The following PCLO variants were observed in gnomAD, a reference collection of about 807,000 sequenced individuals.
PCLO encodes the protein protein piccolo.
In PCLO, 82 loss-of-function variants were observed where a neutral mutation model predicts 427.5. That is an observed-to-expected ratio of 0.19 (90% CI 0.16 to 0.23). The LOEUF is 0.23. Ranked by LOEUF, PCLO falls within the 10% of genes least tolerant of loss-of-function variation. The pLI is 1.00. For synonymous variants in PCLO, 2,357 were observed against 2,155.4 expected (o/e 1.09, Z -2.59); for missense variants, 6,239 against 6,115.9 (o/e 1.02, Z -0.67).
At chr7:82,940,120 G>T (rs1241133963) in intron 6 of PCLO, among the ~76,000 whole-genome samples, 1 of 152,188 alleles carries the variant, frequency 6.6e-6, no homozygotes, top group South Asian at 2.1e-4. Flanking sequence ...ATGAATGGCC[G>T]ATTAGATAAT....
At chr7:83,005,180 A>G (rs984442182) in intron 3 of PCLO, among the ~76,000 whole-genome samples, 14 of 151,632 alleles carry the variant, frequency 9.2e-5, no homozygotes, top group Non-Finnish European at 1.9e-4. Context: ...AATAAAATTA[A>G]TATGTCAAAG....
rs559867499 is a variant in PCLO at position 83,090,198 on chromosome 7, A to T, written c.3300+44052T>A. ...ACGCCTGTAGTCCCAGCTACTAGGG[A>T]AGCTGAGGCAGGAGAATCACTTGAA... On this transcript the variant is annotated intron_variant, in intron 3 of 24. Coordinates refer to ENST00000333891, the MANE Select transcript of PCLO (RefSeq NM_033026.6). Among the ~76,000 whole-genome samples, 3 of 152,228 alleles carry T rather than the reference A, an allele frequency of 2.0e-5. No individual in the cohort carries two copies. In the South Asian group the frequency reaches 6.2e-4, roughly 32 times the overall value.
chr7:82,891,865 T>A (rs558719220), intron 9 of PCLO, among the ~76,000 whole-genome samples: 2 of 152,014 alleles, frequency 1.3e-5, no homozygotes, highest in Non-Finnish European at 2.9e-5. Context: ...TCACAAGGGA[T>A]GTGAAGGACC....
chr7:82,756,979 T>TAG lies in PCLO; in HGVS notation c.*1595_*1596insCT, dbSNP rs1790331897. The TAG allele has an allele frequency of 6.6e-6, 1 of 152,146 alleles. No individual in the cohort carries two copies. Among genetic ancestry groups the TAG allele is most frequent in the Non-Finnish European group, 1.5e-5 (1 of 67,986 alleles). The allele number at this position is 152,146 out of a possible 1,614,324, so 9.4% of individuals were successfully genotyped here. On this transcript the variant is annotated 3_prime_UTR_variant, in exon 25 of 25. Transcript: ENST00000333891. ...ATATAAAATTTGAGAATTAAAAAGA[T>TAG]ATGTAATAATTATTCCTCACTTCTG... is the stretch of plus-strand genomic sequence containing the variant.
chr7:83,034,345 C>T (rs1246152949), intron 3 of PCLO, among the ~76,000 whole-genome samples: 1 of 152,140 alleles, frequency 6.6e-6, no homozygotes, highest in African/African-American at 2.4e-5. Flanking sequence ...TGCACAACCA[C>T]ACCGAGCTAC....
chr7:83,047,691 A>G (rs1205573072), intron 3 of PCLO, among the ~76,000 whole-genome samples: 3 of 152,116 alleles, frequency 2.0e-5, no homozygotes, highest in East Asian at 1.9e-4. Flanking sequence ...ATTCATAAAC[A>G]TGATCACATC....
chr7:82,958,545 T>A (rs1795584238), intron 4 of PCLO, among the ~76,000 whole-genome samples: 1 of 152,166 alleles, frequency 6.6e-6, no homozygotes, highest in South Asian at 2.1e-4. Flanking sequence ...GTAAAATGAT[T>A]TTGCTGAATT....
intron 4 of PCLO, among the ~76,000 whole-genome samples, chr7:82,957,564 T>C (rs939793821): frequency 6.6e-6 from 1 of 152,256 alleles, no homozygotes; most frequent in East Asian, 1.9e-4. Flanking sequence ...CTTGGTATTA[T>C]TGTTAATATC....
At chr7:83,113,700 T>A (rs2116533255) in intron 3 of PCLO, among the ~76,000 whole-genome samples, 1 of 152,264 alleles carries the variant, frequency 6.6e-6, no homozygotes, top group African/African-American at 2.4e-5. Flanking sequence ...TCATAGAACT[T>A]GCATTCTAGT....
Position 82,952,339 on chromosome 7 carries a change from C to T in PCLO, c.8614G>A (p.Val2872Ile), listed in dbSNP as rs201937496. ...GTGACACCAACAGGAGGCACAGTGA[C>T]AGGTTTTGTAATAGCCAATGTCACT... ...HAVTLAITKP[V>I]TVPPVGVTNG... The change falls in exon 5 of 25, where the codon GTC becomes ATC. Residue 2872 changes from valine to isoleucine, a missense_variant. Val to Ile is a conservative substitution (Grantham distance 29, BLOSUM62 3). This residue lies in a region of PCLO where 4,677 missense variants were observed against 4,468.4 expected (regional missense o/e 1.05). Coordinates refer to ENST00000333891, the MANE Select transcript of PCLO (RefSeq NM_033026.6). 1.5e-5 allele frequency: 24 copies of T among 1,613,982 alleles called. No individual in the cohort carries two copies. In the African/African-American group the frequency reaches 2.4e-4, roughly 16 times the overall value.
chr7:82,822,289 T>G, intron 20 of PCLO: 2 of 1,410,502 alleles, frequency 1.4e-6, no homozygotes, highest in Non-Finnish European at 1.8e-6. Flanking sequence ...ACAGCCAGTT[T>G]TATTTCAGTC....
At chr7:82,988,659 T>A (rs1027743955) in intron 3 of PCLO, among the ~76,000 whole-genome samples, 8 of 152,074 alleles carry the variant, frequency 5.3e-5, no homozygotes, top group Non-Finnish European at 1.2e-4. Flanking sequence ...TAACCATTCT[T>A]CAATTATGAT....
rs184987972 is a variant in PCLO at position 82,935,714 on chromosome 7, C to T, written c.11112+13762G>A. Among the ~76,000 whole-genome samples the T allele has an allele frequency of 2.0e-3, 302 of 151,662 alleles. 1 individual carries two copies. Among genetic ancestry groups the T allele is most frequent in the African/African-American group, 6.8e-3 (283 of 41,472 alleles). On this transcript the variant is annotated intron_variant, in intron 6 of 24. Transcript: ENST00000333891. ...CAGAGTACTAAACACTATACGATCA[C>T]GGCGTGAAACTTCATTTCAATGAAG...
chr7:83,087,571 C>T lies in PCLO; in HGVS notation c.3300+46679G>A, dbSNP rs541320691. 1.1e-4 allele frequency among the ~76,000 whole-genome samples: 17 copies of T among 151,960 alleles called. 2 individuals carry two copies. The highest frequency in any genetic ancestry group is 9.7e-4 in the East Asian group (5 of 5,176). On this transcript the variant is annotated intron_variant, in intron 3 of 24. Transcript: ENST00000333891. ...GCCTTGGGAAATTAGATATATGAAA[C>T]ATATATAAAAAGCATAATTTATATT...
At chr7:83,084,933 G>C (rs1790193313) in intron 3 of PCLO, among the ~76,000 whole-genome samples, 1 of 152,108 alleles carries the variant, frequency 6.6e-6, no homozygotes, top group Non-Finnish European at 1.5e-5. Flanking sequence ...TGGGATTTGA[G>C]AGACCAAAGT....
In PCLO at chr7:82,951,187, T is replaced by C. The variant is rs1343330467; in HGVS notation, c.9401A>G (p.His3134Arg). 6.2e-6 allele frequency: 10 copies of C among 1,613,576 alleles called. No homozygotes were observed. The highest frequency in any genetic ancestry group is 2.7e-5 in the African/African-American group (2 of 74,908). The change falls in exon 6 of 25, where the codon CAC becomes CGC. Residue 3134 changes from histidine to arginine, a missense_variant. Physicochemically the swap from His to Arg is conservative, Grantham distance 29. Transcript: ENST00000333891. ...ADAVTSLPAM[H>R]HSQPMPRSYF... ...TGATCTAGGCATTGGCTGGCTATGG[T>C]GCATGGCAGGTAATGAAGTCACTGC...
rs148167731 is a variant in PCLO at position 82,947,127 on chromosome 7, C to T, written c.11112+2349G>A. Among the ~76,000 whole-genome samples the T allele has an allele frequency of 6.8e-3, 1,038 of 152,194 alleles. 9 individuals carry two copies. The highest frequency in any genetic ancestry group is 0.024 in the African/African-American group (987 of 41,522). On this transcript the variant is annotated intron_variant, in intron 6 of 24. Transcript: ENST00000333891. ...ATTTATTCCCTCTAGTTACAATGAC[C>T]TCCATTTTTCTCTCCATGGTCCAGC...
intron 10 of PCLO, among the ~76,000 whole-genome samples, chr7:82,873,638 T>C (rs10247373): frequency 0.016 from 2,388 of 152,260 alleles, 68 homozygotes; most frequent in African/African-American, 0.052. Flanking sequence ...ACATAGTAAT[T>C]GCTATTTTGA....
Position 83,134,449 on chromosome 7 carries a change from T to A in PCLO, c.3101A>T (p.Lys1034Ile), listed in dbSNP as rs758627800. The A allele has an allele frequency of 6.2e-7, 1 of 1,613,774 alleles. No homozygotes were observed. Among genetic ancestry groups the A allele is most frequent in the East Asian group, 2.2e-5 (1 of 44,882 alleles). ...CTTTTGAGGCTCAGCTGTTAAAGATTTGCTATCCTTAATAGGTGGTGGCTT... is the reference window on the plus strand; with the variant it reads ...CTTTTGAGGCTCAGCTGTTAAAGATATGCTATCCTTAATAGGTGGTGGCTT... ...EKKPPPIKDS[K>I]SLTAEPQKAV... Residue 1034 changes from lysine to isoleucine, a missense_variant, in exon 3 of 25, where the codon AAA (lysine) becomes ATA (isoleucine). Lys to Ile is a moderately radical substitution (Grantham distance 102). Coordinates refer to ENST00000333891, the MANE Select transcript of PCLO (RefSeq NM_033026.6).
Sources: gnomAD v4.1 joint callset for allele counts (sites outside exome capture counted in the v4.1 genomes callset) on GRCh38, gnomAD v4.1.1 for gene constraint, gnomAD v4.1.1 regional missense constraint, MANE v1.5 for transcripts, NCBI Gene and HGNC (gene_info 2026-07-23, HGNC 2026-07-21) for gene names.